STAU1: variants seen among roughly 807,000 people sequenced by gnomAD.
The protein encoded by STAU1 is staufen double-stranded RNA binding protein 1.
Under a neutral mutation model 62.9 loss-of-function variants are expected in STAU1, and 13 were observed. That is an observed-to-expected ratio of 0.21 (90% CI 0.13 to 0.33). The LOEUF (loss-of-function observed/expected upper bound fraction) is 0.33, where lower values mean the gene tolerates loss of function less well. Ranked by LOEUF, STAU1 falls within the 10% of genes least tolerant of loss-of-function variation. The pLI is 1.00. For synonymous variants in STAU1, 269 were observed against 265.1 expected (o/e 1.01, Z -0.14); for missense variants, 571 against 712.1 (o/e 0.80, Z 2.25).
At chr20:49,188,028 AG>A (rs2093813030) in intron 1 of STAU1, 87 bp downstream of exon 1, 1 of 151,138 alleles carries the variant, frequency 6.6e-6, no homozygotes. Flanking sequence ...GGGCCCGCCG[AG>A]GCCTAGGCCC....
chr20:49,209,964 C>T, the STAU1 span, among the ~76,000 whole-genome samples: 4 of 151,320 alleles, frequency 2.6e-5, no homozygotes, highest in African/African-American at 9.7e-5. Context: ...CAGGAGAATC[C>T]CTTGAACCTG....
At chr20:49,120,255 G>A in intron 8 of STAU1, 127 bp from the exon 9 acceptor site, 2 of 1,066,882 alleles carry the variant, frequency 1.9e-6, no homozygotes, top group Non-Finnish European at 2.6e-6. Flanking sequence ...CCCCGAACCT[G>A]GCCTCCTTGT....
chr20:49,198,131 T>C, the STAU1 span, among the ~76,000 whole-genome samples: 1 of 152,112 alleles, frequency 6.6e-6, no homozygotes, highest in Admixed American at 6.6e-5. Context: ...AATGAGCATA[T>C]AAAAAGATGT....
At chr20:49,137,059 C>T (rs1367405108) in intron 5 of STAU1, among the ~76,000 whole-genome samples, 1 of 152,080 alleles carries the variant, frequency 6.6e-6, no homozygotes, top group Non-Finnish European at 1.5e-5. Context: ...CAGTACTCAG[C>T]AAGGTGACAG....
intron 1 of STAU1, among the ~76,000 whole-genome samples, chr20:49,180,328 T>C (rs796091361): frequency 3.7e-4 from 27 of 73,126 alleles, no homozygotes; most frequent in Non-Finnish European, 6.0e-4. Context: ...TCTTTTTTTT[T>C]TTTTCCCCCC....
At chr20:49,136,963 G>A (rs1429072477) in intron 5 of STAU1, among the ~76,000 whole-genome samples, 1 of 152,182 alleles carries the variant, frequency 6.6e-6, no homozygotes, top group African/African-American at 2.4e-5. Context: ...CCAAAGTGCT[G>A]GGATTAAGGC....
chr20:49,151,741 A>C lies in STAU1; in HGVS notation c.351T>G (p.Phe117Leu). 1 of 1,608,786 alleles carries C rather than the reference A, an allele frequency of 6.2e-7. No individual in the cohort carries two copies. The highest frequency in any genetic ancestry group is 8.5e-7 in the Non-Finnish European group (1 of 1,178,438). The change falls in exon 5 of 14, where the codon TTT (phenylalanine) becomes TTG (leucine). Residue 117 changes from phenylalanine (F) to leucine (L), a missense_variant. Phe to Leu is a conservative substitution (Grantham distance 22). This residue lies in a region of STAU1 where 414 missense variants were observed against 499.6 expected (regional missense o/e 0.83). Transcript: ENST00000371856. The part of the protein sequence containing the change: ...MRGGAYPPRY[F>L]YPFPVPPLLY... ...GTAAAGGTGGAACTGGAAATGGGTA[A>C]AAGTACCTAGAAATAAAAGGAGGTT...
intron 9 of STAU1, among the ~76,000 whole-genome samples, chr20:49,119,514 AAG>A (rs1268096720): frequency 2.6e-5 from 4 of 152,178 alleles, no homozygotes; most frequent in Non-Finnish European, 4.4e-5. Flanking sequence ...CATAGGAAAA[AAG>A]AAATCCCAAA....
At chr20:49,208,163 G>A in the STAU1 span, among the ~76,000 whole-genome samples, 258 of 152,236 alleles carry the variant, frequency 1.7e-3, no homozygotes, top group South Asian at 3.3e-3. Context: ...GGGTTCAAGC[G>A]ATTCTCCTGC....
chr20:49,173,392 G>A (rs911348911), intron 2 of STAU1, among the ~76,000 whole-genome samples: 2 of 152,124 alleles, frequency 1.3e-5, no homozygotes, highest in African/African-American at 2.4e-5. Flanking sequence ...AGGAGGCCGA[G>A]GTGAGCCAAC....
chr20:49,134,473 C>A, intron 6 of STAU1: 1 of 793,092 alleles, frequency 1.3e-6, no homozygotes, highest in Non-Finnish European at 2.1e-6. Flanking sequence ...ACCCGGGCGC[C>A]GCCAAGATGC....
chr20:49,183,720 G>C (rs1305847437), intron 1 of STAU1, among the ~76,000 whole-genome samples: 3 of 152,132 alleles, frequency 2.0e-5, no homozygotes, highest in Admixed American at 2.0e-4. Flanking sequence ...CATGAGTCAT[G>C]GCCATTTCTA....
intron 3 of STAU1, among the ~76,000 whole-genome samples, chr20:49,155,824 C>A (rs1220992733): frequency 6.6e-6 from 1 of 152,152 alleles, no homozygotes; most frequent in Admixed American, 6.5e-5. Flanking sequence ...AGAGAATAAA[C>A]ATGAAGAAAG....
the STAU1 span, chr20:49,210,351 G>T: frequency 4.4e-6 from 2 of 450,546 alleles, no homozygotes; most frequent in Non-Finnish European, 8.9e-6. Context: ...ACAATGCTAG[G>T]TTAGAAATCA....
chr20:49,158,944 T>G, intron 3 of STAU1: 1 of 1,289,118 alleles, frequency 7.8e-7, no homozygotes, highest in Non-Finnish European at 1.0e-6. Context: ...TTTACCCCCC[T>G]TGACACTTCA....
chr20:49,171,325 C>T lies in STAU1; in HGVS notation c.-85+2870G>A, dbSNP rs143799166. Among the ~76,000 whole-genome samples the T allele has an allele frequency of 9.4e-3, 1,436 of 152,334 alleles. 25 individuals are homozygous for T. The highest frequency in any genetic ancestry group is 0.033 in the African/African-American group (1,376 of 41,576). ...ATTTATTTTTATTGAGACGGAGTCTCGCTCTGTTGCCCAGGCTGGAGTGCA... is the reference window on the plus strand; with the variant it reads ...ATTTATTTTTATTGAGACGGAGTCTTGCTCTGTTGCCCAGGCTGGAGTGCA... On this transcript the variant is annotated intron_variant, in intron 2 of 13. Transcript: ENST00000371856.
At chr20:49,178,352 G>A (rs1367076691) in intron 1 of STAU1, among the ~76,000 whole-genome samples, 1 of 152,094 alleles carries the variant, frequency 6.6e-6, no homozygotes, top group Non-Finnish European at 1.5e-5. Flanking sequence ...CGTGGCTCAG[G>A]CCTGTAATCC....
At chr20:49,199,280 G>C in the STAU1 span, among the ~76,000 whole-genome samples, 4 of 151,582 alleles carry the variant, frequency 2.6e-5, no homozygotes, top group African/African-American at 9.7e-5. Context: ...TGCCAGGCTG[G>C]ATTGCAGTGG....
the STAU1 span, chr20:49,210,483 C>A: frequency 2.2e-6 from 1 of 455,620 alleles, no homozygotes; most frequent in African/African-American, 2.0e-5. Flanking sequence ...TTTTTTTCCT[C>A]CTTCTCCTCC....
Sources: gnomAD v4.1 joint callset for allele counts (sites outside exome capture counted in the v4.1 genomes callset) on GRCh38, gnomAD v4.1.1 for gene constraint, gnomAD v4.1.1 regional missense constraint, MANE v1.5 for transcripts, NCBI Gene and HGNC (gene_info 2026-07-23, HGNC 2026-07-21) for gene names.